The following TBC1D5 variants were observed in gnomAD, a reference collection of about 807,000 sequenced individuals.
TBC1D5 encodes TBC1 domain family, member 5.
A neutral mutation model predicts 100.3 loss-of-function variants in TBC1D5; 75 were observed. The ratio of observed to expected loss-of-function variants is 0.75; its 90% CI spans 0.62 to 0.91. The LOEUF is 0.91. TBC1D5 is among the 40% of genes least tolerant of loss of function. The pLI is 0.00. For missense variants in TBC1D5, 910 were observed against 942.4 expected (o/e 0.97, Z 0.45); for synonymous variants, 323 against 325.6 (o/e 0.99, Z 0.09).
intron 1 of TBC1D5, among the ~76,000 whole-genome samples, chr3:17,681,330 C>T (rs536082141): frequency 2.0e-5 from 3 of 151,574 alleles, no homozygotes; most frequent in Non-Finnish European, 2.9e-5. Context: ...AGTACAAATA[C>T]GCCACTCTGG....
intron 2 of TBC1D5, among the ~76,000 whole-genome samples, chr3:17,512,856 T>G (rs966038819): frequency 2.0e-5 from 3 of 152,222 alleles, no homozygotes; most frequent in African/African-American, 7.2e-5. Flanking sequence ...ATCTTTAAGA[T>G]ATTTGTACTG....
At chr3:17,480,460 A>G (rs908105894) in intron 3 of TBC1D5, among the ~76,000 whole-genome samples, 2 of 152,192 alleles carry the variant, frequency 1.3e-5, no homozygotes, top group African/African-American at 4.8e-5. Context: ...ACGAACCAGC[A>G]TGTACTTCCT....
intron 2 of TBC1D5, among the ~76,000 whole-genome samples, chr3:17,537,194 C>T (rs541907469): frequency 4.6e-5 from 7 of 152,262 alleles, no homozygotes; most frequent in Admixed American, 3.9e-4. Flanking sequence ...TCATTTGATG[C>T]TATACCAGAG....
intron 13 of TBC1D5, among the ~76,000 whole-genome samples, chr3:17,363,865 T>A (rs2091918369): frequency 1.3e-5 from 2 of 152,000 alleles, no homozygotes; most frequent in African/African-American, 4.8e-5. Flanking sequence ...AAATAAAAAT[T>A]AGTATTTTAT....
At chr3:17,254,233 T>C (rs2077428002) in intron 16 of TBC1D5, among the ~76,000 whole-genome samples, 1 of 152,232 alleles carries the variant, frequency 6.6e-6, no homozygotes, top group Non-Finnish European at 1.5e-5. Flanking sequence ...GATAAACACT[T>C]AGAAATTAAA....
At chr3:17,217,066 A>C (rs2073734382) in intron 17 of TBC1D5, among the ~76,000 whole-genome samples, 1 of 152,110 alleles carries the variant, frequency 6.6e-6, no homozygotes. Context: ...CTGCAATCAC[A>C]ATCTACTTCT....
At chr3:17,311,028 A>C (rs2083970507) in intron 13 of TBC1D5, among the ~76,000 whole-genome samples, 1 of 152,048 alleles carries the variant, frequency 6.6e-6, no homozygotes, top group Non-Finnish European at 1.5e-5. Context: ...CCAAGGAAAA[A>C]GCTCTTTACA....
At chr3:17,667,369 A>C (rs1236933911) in intron 1 of TBC1D5, among the ~76,000 whole-genome samples, 1 of 152,238 alleles carries the variant, frequency 6.6e-6, no homozygotes, top group African/African-American at 2.4e-5. Flanking sequence ...TAATTTATTA[A>C]GCCCTTTATT....
chr3:17,244,088 G>A (rs2076530595), intron 16 of TBC1D5, among the ~76,000 whole-genome samples: 2 of 152,138 alleles, frequency 1.3e-5, no homozygotes, highest in Non-Finnish European at 2.9e-5. Context: ...AGTTAAAAAA[G>A]TGAGTTACAA....
intron 18 of TBC1D5, among the ~76,000 whole-genome samples, chr3:17,200,501 G>A (rs896716621): frequency 3.3e-5 from 5 of 152,238 alleles, no homozygotes; most frequent in African/African-American, 1.2e-4. Flanking sequence ...AGAATCTAAT[G>A]TCTGATGATC....
At chr3:17,206,497 C>G (rs2072202960) in intron 18 of TBC1D5, among the ~76,000 whole-genome samples, 1 of 152,160 alleles carries the variant, frequency 6.6e-6, no homozygotes, top group Non-Finnish European at 1.5e-5. Flanking sequence ...TTTCATTTAT[C>G]TGACACTTTT....
chr3:17,468,208 T>C (rs1428055859), intron 3 of TBC1D5, among the ~76,000 whole-genome samples: 2 of 152,172 alleles, frequency 1.3e-5, no homozygotes, highest in African/African-American at 4.8e-5. Context: ...AATTGAAGAT[T>C]AGAAAGGATA....
chr3:17,621,657 C>A (rs1314265932), intron 2 of TBC1D5, among the ~76,000 whole-genome samples: 1 of 152,118 alleles, frequency 6.6e-6, no homozygotes, highest in Non-Finnish European at 1.5e-5. Context: ...ACATCTATCA[C>A]TACAGTTGTG....
At chr3:17,687,968 A>G (rs1007087455) in intron 1 of TBC1D5, among the ~76,000 whole-genome samples, 2 of 152,210 alleles carry the variant, frequency 1.3e-5, no homozygotes, top group Non-Finnish European at 2.9e-5. Flanking sequence ...CTCTTCAAAG[A>G]AAATGAAAGA....
chr3:17,159,704 T>G (rs2065877714), exon 22 of TBC1D5: 3 of 152,340 alleles, frequency 2.0e-5, no homozygotes, highest in African/African-American at 7.2e-5. Flanking sequence ...GTCTCTAATC[T>G]GTGCTCAGCC....
chr3:17,635,536 C>T (rs1254873322), intron 1 of TBC1D5, among the ~76,000 whole-genome samples: 7 of 151,952 alleles, frequency 4.6e-5, no homozygotes, highest in African/African-American at 1.2e-4. Context: ...CAAAATTAGC[C>T]GGGCATGGTG....
intron 3 of TBC1D5, among the ~76,000 whole-genome samples, chr3:17,506,090 A>T (rs2153227922): frequency 6.6e-6 from 1 of 152,352 alleles, no homozygotes; most frequent in Admixed American, 6.5e-5. Flanking sequence ...TCCAGTAGTA[A>T]CAAATTCCCT....
At chr3:17,426,243 C>T (rs570131335) in intron 4 of TBC1D5, among the ~76,000 whole-genome samples, 5 of 152,096 alleles carry the variant, frequency 3.3e-5, no homozygotes, top group African/African-American at 1.2e-4. Flanking sequence ...ACTGAAAATT[C>T]GACTGCCATT....
rs184566542 is a variant in TBC1D5, at chr3:17,258,195, A to G, written c.1331+311T>C. Reference sequence around the variant, plus strand: ...ATTATAAAACTGTCTCTTTTCAATCAACAGCAAAAATCTAGAAAGAGATTA... The same window carrying G: ...ATTATAAAACTGTCTCTTTTCAATCGACAGCAAAAATCTAGAAAGAGATTA... On this transcript the variant is annotated intron_variant, in intron 16 of 21. Coordinates refer to ENST00000253692, the Ensembl canonical transcript of TBC1D5. Among the ~76,000 whole-genome samples the G allele has an allele frequency of 1.3e-3, 202 of 152,250 alleles. 1 individual carries two copies. The highest frequency in any genetic ancestry group is 4.7e-3 in the African/African-American group (197 of 41,580).
Sources: allele counts gnomAD v4.1 joint callset (sites outside exome capture counted in the v4.1 genomes callset), GRCh38; gene constraint gnomAD v4.1.1; transcripts MANE v1.5; gene names NCBI Gene and HGNC (gene_info 2026-07-23, HGNC 2026-07-21).